Variants in SEMA3D observed in about 807,000 individuals in gnomAD.
SEMA3D encodes semaphorin 3D, also known as semaphorin-3D.
In SEMA3D, 84 loss-of-function variants were observed where a neutral mutation model predicts 100.1. That is an observed-to-expected ratio of 0.84 (90% CI 0.70 to 1.01). The LOEUF is 1.01. Among genes scored for constraint, SEMA3D ranks in the 50% least tolerant of loss-of-function variants. SEMA3D has a pLI of 0.00. For synonymous variants in SEMA3D, 312 were observed against 320.7 expected (o/e 0.97, Z 0.29); for missense variants, 875 against 934.1 (o/e 0.94, Z 0.82).
intron 2 of SEMA3D, among the ~76,000 whole-genome samples, chr7:85,134,941 CTG>C (rs1481800772): frequency 1.3e-5 from 2 of 151,956 alleles, no homozygotes; most frequent in African/African-American, 2.4e-5. Context: ...GGAGGAATAA[CTG>C]AGTGATTCAG....
chr7:85,235,307 T>G, the SEMA3D span, among the ~76,000 whole-genome samples: 1 of 152,146 alleles, frequency 6.6e-6, no homozygotes, highest in Non-Finnish European at 1.5e-5. Context: ...AGAATTTGAG[T>G]GTCTTACCAA....
chr7:85,051,750 A>AT (rs965723441), intron 9 of SEMA3D, among the ~76,000 whole-genome samples: 48 of 151,876 alleles, frequency 3.2e-4, no homozygotes, highest in Admixed American at 1.8e-3. Flanking sequence ...TGTGCTCATA[A>AT]TTTTTTTTGT....
At chr7:85,082,431 C>T (rs1057174860) in intron 4 of SEMA3D, among the ~76,000 whole-genome samples, 2 of 152,174 alleles carry the variant, frequency 1.3e-5, no homozygotes, top group African/African-American at 4.8e-5. Context: ...AAATTTTAAG[C>T]AGTTATGTAA....
chr7:85,247,236 T>G, the SEMA3D span, among the ~76,000 whole-genome samples: 1 of 152,042 alleles, frequency 6.6e-6, no homozygotes, highest in Admixed American at 6.6e-5. Flanking sequence ...CACATTCACC[T>G]AAGCTTTTCC....
At chr7:85,104,053 T>C (rs1046324145) in intron 3 of SEMA3D, among the ~76,000 whole-genome samples, 1 of 152,100 alleles carries the variant, frequency 6.6e-6, no homozygotes. Flanking sequence ...GGGAGAAATA[T>C]ATGTTTTCCA....
chr7:85,001,546 T>C (rs116577146), intron 18 of SEMA3D, among the ~76,000 whole-genome samples: 32 of 152,204 alleles, frequency 2.1e-4, no homozygotes, highest in African/African-American at 7.0e-4. Context: ...TTTTTTCCCT[T>C]AGATAATTTC....
the SEMA3D span, among the ~76,000 whole-genome samples, chr7:85,222,217 T>A: frequency 6.6e-6 from 1 of 152,062 alleles, no homozygotes; most frequent in African/African-American, 2.4e-5. Context: ...TTTTTGAAGG[T>A]GATTTGATAT....
At chr7:85,249,847 C>T in the SEMA3D span, among the ~76,000 whole-genome samples, 7 of 152,168 alleles carry the variant, frequency 4.6e-5, no homozygotes, top group South Asian at 6.2e-4. Context: ...ATTAAATTTT[C>T]GATACCTGAG....
chr7:85,117,785 T>C (rs578030829), intron 3 of SEMA3D, among the ~76,000 whole-genome samples: 2 of 148,204 alleles, frequency 1.3e-5, no homozygotes, highest in East Asian at 3.9e-4. Context: ...TGTATGTATG[T>C]ATGTATGTAT....
At chr7:85,066,435 A>C (rs1283100387) in intron 7 of SEMA3D, among the ~76,000 whole-genome samples, 2 of 150,938 alleles carry the variant, frequency 1.3e-5, no homozygotes, top group African/African-American at 4.9e-5. Flanking sequence ...AAAGAAGGGG[A>C]GTGAGAAAAA....
chr7:85,105,483 A>C (rs1424871681), intron 3 of SEMA3D, among the ~76,000 whole-genome samples: 3 of 152,094 alleles, frequency 2.0e-5, no homozygotes, highest in Non-Finnish European at 2.9e-5. Context: ...CAACACAAAA[A>C]TACCTATGAT....
chr7:85,136,719 T>C (rs1789877413), intron 2 of SEMA3D, among the ~76,000 whole-genome samples: 1 of 152,148 alleles, frequency 6.6e-6, no homozygotes, highest in African/African-American at 2.4e-5. Context: ...ATTTTTATTT[T>C]TTACTATTTA....
At chr7:85,055,387 A>G (rs967888024) in intron 9 of SEMA3D, among the ~76,000 whole-genome samples, 7 of 152,082 alleles carry the variant, frequency 4.6e-5, no homozygotes, top group Non-Finnish European at 8.8e-5. Context: ...TAGACCTTCA[A>G]TAAAAGAAAT....
Position 84,995,801 on chromosome 7 carries a change from A to G in SEMA3D, c.*3639T>C, listed in dbSNP as rs1027469662. ...CAAACCCTTTCCATAAATACTTTATACTATAAAATATTTAAATGAGAGGTA... is the reference window on the plus strand; with the variant it reads ...CAAACCCTTTCCATAAATACTTTATGCTATAAAATATTTAAATGAGAGGTA... On this transcript the variant is annotated 3_prime_UTR_variant, in exon 19 of 19. Transcript: ENST00000284136. 11 of 152,084 alleles carry G rather than the reference A, an allele frequency of 7.2e-5. No individual in the cohort carries two copies. The East Asian group carries it at 1.7e-3, about 24-fold the overall frequency. The allele number at this position is 152,084 out of a possible 1,614,324, so 9.4% of individuals were successfully genotyped here.
At chr7:85,015,247 A>T in intron 15 of SEMA3D, 31 bp from the exon 16 acceptor site, 1 of 1,593,774 alleles carries the variant, frequency 6.3e-7, no homozygotes, top group Non-Finnish European at 8.6e-7. Flanking sequence ...ATGAATTAGA[A>T]GCATCTTTCA....
intron 12 of SEMA3D, chr7:85,029,007 G>A: frequency 2.5e-6 from 1 of 394,340 alleles, no homozygotes; most frequent in South Asian, 2.6e-5. Context: ...TTCTGTTTTT[G>A]GATGTCACTC....
At chr7:85,086,882 T>C (rs1171464007) in intron 4 of SEMA3D, among the ~76,000 whole-genome samples, 1 of 152,126 alleles carries the variant, frequency 6.6e-6, no homozygotes, top group East Asian at 1.9e-4. Flanking sequence ...CACTTTGAGA[T>C]TGCGTCACTA....
upstream of SEMA3D, among the ~76,000 whole-genome samples, chr7:85,191,161 C>T (rs1044267293): frequency 1.3e-5 from 2 of 151,972 alleles, no homozygotes; most frequent in Non-Finnish European, 2.9e-5. Context: ...CCTCTTTGGC[C>T]CAAATCCTGA....
At chr7:85,036,686 A>T (rs1042882589) in intron 12 of SEMA3D, among the ~76,000 whole-genome samples, 1 of 152,156 alleles carries the variant, frequency 6.6e-6, no homozygotes, top group African/African-American at 2.4e-5. Flanking sequence ...GATACTTATG[A>T]CATAGTCCAT....
Sources: gnomAD v4.1 joint callset for allele counts (sites outside exome capture counted in the v4.1 genomes callset) on GRCh38, gnomAD v4.1.1 for gene constraint, MANE v1.5 for transcripts, NCBI Gene and HGNC (gene_info 2026-07-23, HGNC 2026-07-21) for gene names.